LRP4: variants seen among roughly 807,000 people sequenced by gnomAD.
LRP4 encodes the protein LDL receptor related protein 4.
A neutral mutation model predicts 220.3 loss-of-function variants in LRP4; 95 were observed. The observed-to-expected ratio is 0.43, with a 90% CI of 0.37 to 0.51. LRP4 has a LOEUF of 0.51. Ranked by LOEUF, LRP4 falls within the 20% of genes least tolerant of loss-of-function variation. LRP4 has a pLI of 0.00. For missense variants in LRP4, 1,925 were observed against 2,567.0 expected (o/e 0.75, Z 5.40); for synonymous variants, 903 against 954.6 (o/e 0.95, Z 1.00).
rs1941393311 is a variant in LRP4, at chr11:46,890,297, C to T, written c.1895G>A (p.Arg632His). The stretch of plus-strand genomic sequence containing the variant: ...CTCACCCTGGCTAATGACAGCCTTA[C>T]GGTGACTCCCATCCAGATTGGCCCT... Reference protein sequence around the residue: ...IERANLDGSHRKAVISQGLPH... With the variant: ...IERANLDGSHHKAVISQGLPH... The change falls in exon 14 of 38, where the codon CGT becomes CAT. Residue 632 changes from arginine (R) to histidine (H), a missense_variant. Around this residue, in one of 3 missense-constraint regions of LRP4, gnomAD observed 269 missense variants for 436.7 expected, o/e 0.62. Coordinates refer to ENST00000378623, the MANE Select transcript of LRP4 (RefSeq NM_002334.4). The surrounding 1 kb of genome is among the most constrained non-coding windows in gnomAD (Gnocchi z 5.3). 2 of 1,614,134 alleles carry T rather than the reference C, an allele frequency of 1.2e-6. No individual in the cohort carries two copies. The highest frequency in any genetic ancestry group is 1.7e-6 in the Non-Finnish European group (2 of 1,180,018).
chr11:46,868,772 G>C, intron 32 of LRP4, 59 bp from the exon 33 acceptor site: 3 of 1,395,388 alleles, frequency 2.1e-6, no homozygotes, highest in East Asian at 2.3e-5. Flanking sequence ...CCAATTTAAG[G>C]CTTCTCAAAA....
In LRP4 at chr11:46,894,770, C is replaced by T; in HGVS notation, c.1359G>A (p.Val453=). 6.2e-7 allele frequency: 1 copy of T among 1,614,230 alleles called. No individual in the cohort carries two copies. ...LFANRIDIRQ[V]LPHRSEYTLL... ...GTGTGTACTCAGAGCGGTGTGGCAGCACCTGCCGGATGTCGATGCGATTGG... is the reference window on the plus strand; with the variant it reads ...GTGTGTACTCAGAGCGGTGTGGCAGTACCTGCCGGATGTCGATGCGATTGG... Residue 453 remains valine (V), a synonymous_variant, in exon 12 of 38, where the codon GTG becomes GTA. Coordinates refer to ENST00000378623, the MANE Select transcript of LRP4 (RefSeq NM_002334.4).
At position 46,918,021 on chromosome 11, in the gene LRP4, G is replaced by GC. The variant is rs1941976533; in HGVS notation, c.52+306dup. 6.6e-6 allele frequency among the ~76,000 whole-genome samples: 1 copy of GC among 152,214 alleles called. No individual in the cohort carries two copies. Among genetic ancestry groups the GC allele is most frequent in the South Asian group, 2.1e-4 (1 of 4,832 alleles). Reference sequence around the variant, plus strand: ...CCCGACCTAACCTGAAAGGGAAGCAGCCCCCGCTCTTGAAAGAGCAGCGAG... The same window carrying GC: ...CCCGACCTAACCTGAAAGGGAAGCAGCCCCCCGCTCTTGAAAGAGCAGCGAG... On this transcript the variant is annotated intron_variant, in intron 1 of 37. Coordinates refer to ENST00000378623, the MANE Select transcript of LRP4 (RefSeq NM_002334.4). The surrounding 1 kb of genome is among the most constrained non-coding windows in gnomAD (Gnocchi z 6.0).
chr11:46,907,128 G>A (rs976503266), intron 1 of LRP4, among the ~76,000 whole-genome samples: 4 of 152,152 alleles, frequency 2.6e-5, no homozygotes, highest in African/African-American at 9.7e-5. Context: ...ATGACTGTGG[G>A]TGGCAAAATG....
chr11:46,907,940 CTTTT>C (rs900364184), intron 1 of LRP4, among the ~76,000 whole-genome samples: 1 of 149,986 alleles, frequency 6.7e-6, no homozygotes, highest in South Asian at 2.1e-4. Context: ...ATATAACCAT[CTTTT>C]TTTTTTCCGA....
intron 1 of LRP4, among the ~76,000 whole-genome samples, chr11:46,906,958 CA>C (rs1941770034): frequency 1.3e-5 from 2 of 152,218 alleles, no homozygotes; most frequent in Admixed American, 1.3e-4. Context: ...AGTAAACAGA[CA>C]CATTATACTC....
Position 46,873,715 on chromosome 11 carries a change from T to C in LRP4, c.4230-122A>G, listed in dbSNP as rs1235410433. ...AAGCTCCACAGGGATAGAGACCAGG[T>C]ATCTATGAGTACATTCCTCAGCACC... On this transcript the variant is annotated intron_variant, in intron 28 of 37. Coordinates refer to ENST00000378623, the MANE Select transcript of LRP4 (RefSeq NM_002334.4). The surrounding 1 kb of genome is among the most constrained non-coding windows in gnomAD (Gnocchi z 4.2). The C allele has an allele frequency of 1.4e-6, 1 of 696,376 alleles. No individual in the cohort carries two copies. Among genetic ancestry groups the C allele is most frequent in the East Asian group, 2.6e-5 (1 of 38,620 alleles). The allele number at this position is 696,376 out of a possible 1,614,324, so 43.1% of individuals were successfully genotyped here.
intron 10 of LRP4, 27 bp downstream of exon 10, chr11:46,895,855 ACT>A (rs752521727): frequency 1.2e-6 from 2 of 1,608,466 alleles, no homozygotes; most frequent in Non-Finnish European, 8.5e-7. Context: ...CAGAACCCCG[ACT>A]CTGCTGCAAA....
chr11:46,864,316 C>T (rs962584957), intron 36 of LRP4, 132 bp downstream of exon 36: 11 of 760,434 alleles, frequency 1.4e-5, no homozygotes, highest in Middle Eastern at 2.7e-4. Flanking sequence ...CTTCTGCTGC[C>T]CTGACCAGGC....
Position 46,903,088 on chromosome 11 carries a change from A to G in LRP4, c.53-159T>C, listed in dbSNP as rs1941698017. 2.0e-5 allele frequency among the ~76,000 whole-genome samples: 3 copies of G among 152,336 alleles called. No homozygotes were observed. The South Asian group carries it at 6.2e-4, about 32-fold the overall frequency. The stretch of plus-strand genomic sequence containing the variant: ...CAGGCAGTAAAACCATGCCTCCTCC[A>G]GGGCATAAACGACCCAGCAGATACC... On this transcript the variant is annotated intron_variant, in intron 1 of 37. Coordinates refer to ENST00000378623, the MANE Select transcript of LRP4 (RefSeq NM_002334.4).
Position 46,890,532 on chromosome 11 carries a change from A to G in LRP4, c.1698-38T>C. ...AAGTAAATTGGGAAGTGGGCAGCAG[A>G]AAACAGGTAGGTAACCAGGAGAATA... On this transcript the variant is annotated intron_variant, in intron 13 of 37. Coordinates refer to ENST00000378623, the MANE Select transcript of LRP4 (RefSeq NM_002334.4). The surrounding 1 kb of genome is among the most constrained non-coding windows in gnomAD (Gnocchi z 5.3). 7.0e-7 allele frequency: 1 copy of G among 1,431,204 alleles called. No homozygotes were observed. The highest frequency in any genetic ancestry group is 1.2e-5 in the South Asian group (1 of 86,610). The allele number at this position is 1,431,204 out of a possible 1,614,324, so 88.7% of individuals were successfully genotyped here.
At chr11:46,879,443 C>A in intron 20 of LRP4, 128 bp from the exon 21 acceptor site, 3 of 860,532 alleles carry the variant, frequency 3.5e-6, no homozygotes, top group South Asian at 2.9e-5. Context: ...CCAGTAAGAG[C>A]TACTTATAAA....
chr11:46,917,733 C>G (rs535456845), intron 1 of LRP4, among the ~76,000 whole-genome samples: 1 of 152,226 alleles, frequency 6.6e-6, no homozygotes, highest in Admixed American at 6.5e-5. Context: ...AGAGGGACCC[C>G]GAAACACCGC....
intron 9 of LRP4, 52 bp from the exon 10 acceptor site, chr11:46,896,070 G>A (rs750952114): frequency 6.2e-7 from 1 of 1,613,358 alleles, no homozygotes; most frequent in South Asian, 1.1e-5. Context: ...CTCCCCCAGA[G>A]AGCCAACTTG....
chr11:46,904,996 A>C (rs1279653783), intron 1 of LRP4, among the ~76,000 whole-genome samples: 4 of 151,536 alleles, frequency 2.6e-5, no homozygotes, highest in African/African-American at 7.3e-5. Flanking sequence ...AAAAAAAAAA[A>C]AAAAAAGATG....
intron 12 of LRP4, 109 bp downstream of exon 12, chr11:46,894,480 G>GA (rs1941482992): frequency 3.7e-6 from 3 of 820,468 alleles, no homozygotes; most frequent in Non-Finnish European, 6.2e-6. Context: ...TTCCCTGGAA[G>GA]AAAAAGATGT....
chr11:46,881,644 A>G, intron 20 of LRP4, 58 bp downstream of exon 20: 1 of 1,539,632 alleles, frequency 6.5e-7, no homozygotes, highest in Non-Finnish European at 9.0e-7. Context: ...GGAGGCTGTC[A>G]AGGCTGTGGG....
chr11:46,881,629 G>A lies in LRP4; in HGVS notation c.2814+73C>T. On this transcript the variant is annotated intron_variant, in intron 20 of 37. Coordinates refer to ENST00000378623, the MANE Select transcript of LRP4 (RefSeq NM_002334.4). Reference sequence around the variant, plus strand: ...AATCAGCTGCCAGCCAAAAAGTACTGTCCTGGAGGCTGTCAAGGCTGTGGG... The same window carrying A: ...AATCAGCTGCCAGCCAAAAAGTACTATCCTGGAGGCTGTCAAGGCTGTGGG... 4 of 1,446,572 alleles carry A rather than the reference G, an allele frequency of 2.8e-6. 1 individual carries two copies. In the South Asian group the frequency reaches 4.6e-5, roughly 17 times the overall value. 89.6% of individuals were successfully genotyped at this position (1,446,572 alleles called of 1,614,324 possible). A position where few individuals can be genotyped will look rare whatever the true frequency, so the allele number is the denominator to read the frequency against.
At chr11:46,884,219 C>T (rs1007460090) in intron 18 of LRP4, among the ~76,000 whole-genome samples, 6 of 152,162 alleles carry the variant, frequency 3.9e-5, no homozygotes, top group African/African-American at 7.2e-5. Flanking sequence ...TAATTTAAGG[C>T]GATGATTCTC....
Sources: allele counts gnomAD v4.1 joint callset (sites outside exome capture counted in the v4.1 genomes callset), GRCh38; gene constraint gnomAD v4.1.1; regional missense constraint gnomAD v4.1.1; non-coding constraint Gnocchi (gnomAD v3.1); transcripts MANE v1.5; gene names NCBI Gene and HGNC (gene_info 2026-07-23, HGNC 2026-07-21).